GALNT7: variants seen among roughly 807,000 people sequenced by gnomAD.
The protein encoded by GALNT7 is N-acetylgalactosaminyltransferase 7.
GALNT7 carries 60 observed loss-of-function variants against 82.1 expected under a neutral mutation model. The observed-to-expected ratio is 0.73, with a 90% CI of 0.59 to 0.91. The LOEUF (loss-of-function observed/expected upper bound fraction) is 0.91. Ranked by LOEUF, GALNT7 falls within the 40% of genes least tolerant of loss-of-function variation. The pLI is 0.00. For synonymous variants in GALNT7, 243 were observed against 275.1 expected, an observed-to-expected ratio of 0.88 and a Z score of 1.15; for missense variants, 660 against 804.2, an observed-to-expected ratio of 0.82 and a Z score of 2.17.
At chr4:173,202,535 T>C (rs1732973408) in intron 1 of GALNT7, among the ~76,000 whole-genome samples, 1 of 152,226 alleles carries the variant, frequency 6.6e-6, no homozygotes, top group African/African-American at 2.4e-5. Flanking sequence ...CACTCTTTTC[T>C]GTCTCCTCAA....
chr4:173,278,780 T>C (rs1736004882), intron 2 of GALNT7, among the ~76,000 whole-genome samples: 1 of 152,246 alleles, frequency 6.6e-6, no homozygotes, highest in Non-Finnish European at 1.5e-5. Flanking sequence ...TGATCTCATA[T>C]ATTGTCCAGT....
chr4:173,257,263 A>G (rs545318180), intron 2 of GALNT7, among the ~76,000 whole-genome samples: 2 of 152,326 alleles, frequency 1.3e-5, no homozygotes, highest in African/African-American at 4.8e-5. Context: ...CATTGGAGAG[A>G]GCTGTAAAGC....
At chr4:173,245,426 C>G (rs188824163) in intron 1 of GALNT7, among the ~76,000 whole-genome samples, 32 of 152,256 alleles carry the variant, frequency 2.1e-4, no homozygotes, top group Admixed American at 2.0e-3. Flanking sequence ...AATTTCTTCT[C>G]TATGGAACAT....
chr4:173,243,367 T>TATGAA (rs1473188874), intron 1 of GALNT7, among the ~76,000 whole-genome samples: 3 of 152,330 alleles, frequency 2.0e-5, no homozygotes, highest in Middle Eastern at 3.4e-3. Context: ...TCAGTCCATT[T>TATGAA]CCACCTTTAT....
intron 7 of GALNT7, among the ~76,000 whole-genome samples, chr4:173,303,460 G>A (rs1410541014): frequency 6.6e-6 from 1 of 152,072 alleles, no homozygotes; most frequent in Non-Finnish European, 1.5e-5. Flanking sequence ...ATTGAAGAGA[G>A]CCTTTAAAGC....
rs944559400 is a variant in GALNT7 at position 173,169,106 on chromosome 4, A to C, written c.126+145A>C. ...GGTGGTGCTGGCGCAGCGCGGGCCG[A>C]GGGGGTGCCGAGCCCCGCGCACTCC... On this transcript the variant is annotated intron_variant, in intron 1 of 11. Coordinates refer to ENST00000265000, the MANE Select transcript of GALNT7 (RefSeq NM_017423.3). The C allele has an allele frequency of 1.6e-4, 93 of 597,180 alleles. 1 individual carries two copies. In the African/African-American group the frequency reaches 1.6e-3, roughly 11 times the overall value. The allele number at this position is 597,180 out of a possible 1,614,324, so 37.0% of individuals were successfully genotyped here.
rs949719534 is a variant in GALNT7, at chr4:173,321,525, T to C, written c.1837-55T>C. On this transcript the variant is annotated intron_variant, in intron 11 of 11. Coordinates refer to ENST00000265000, the MANE Select transcript of GALNT7 (RefSeq NM_017423.3). ...ATGAAAGTCAAGTGATGATTTCTGA[T>C]GTCAGTGATATCAAGGGTCCAAATT... The C allele has an allele frequency of 7.0e-6, 9 of 1,288,090 alleles. No homozygotes were observed. In the African/African-American group the frequency reaches 1.2e-4, roughly 17 times the overall value. The allele number at this position is 1,288,090 out of a possible 1,614,324, so 79.8% of individuals were successfully genotyped here.
At chr4:173,211,522 A>G (rs780833291) in intron 1 of GALNT7, among the ~76,000 whole-genome samples, 7 of 152,226 alleles carry the variant, frequency 4.6e-5, no homozygotes, top group Non-Finnish European at 1.0e-4. Context: ...TTTCTAACAT[A>G]TAGGATAAGA....
At chr4:173,239,468 G>A (rs1176028902) in intron 1 of GALNT7, among the ~76,000 whole-genome samples, 1 of 152,090 alleles carries the variant, frequency 6.6e-6, no homozygotes, top group African/African-American at 2.4e-5. Context: ...CTTTGACTGG[G>A]GAGAAACATA....
At chr4:173,307,574 G>C (rs993421985) in intron 8 of GALNT7, among the ~76,000 whole-genome samples, 2 of 152,326 alleles carry the variant, frequency 1.3e-5, no homozygotes, top group Non-Finnish European at 2.9e-5. Flanking sequence ...TTAGAGCCAA[G>C]GAAAGGAGCA....
intron 7 of GALNT7, among the ~76,000 whole-genome samples, chr4:173,303,258 A>T (rs539869276): frequency 6.6e-6 from 1 of 152,212 alleles, no homozygotes; most frequent in South Asian, 2.1e-4. Flanking sequence ...AAGTAGGAAG[A>T]TGGGTATGAT....
intron 1 of GALNT7, among the ~76,000 whole-genome samples, chr4:173,217,957 A>G (rs1733522337): frequency 1.3e-5 from 2 of 152,262 alleles, no homozygotes; most frequent in Admixed American, 1.3e-4. Context: ...TTTATAAAAT[A>G]CAGTCATAAA....
chr4:173,236,741 A>G (rs902405317), intron 1 of GALNT7, among the ~76,000 whole-genome samples: 2 of 152,210 alleles, frequency 1.3e-5, no homozygotes, highest in African/African-American at 4.8e-5. Flanking sequence ...AGATCAGGTC[A>G]CTTAGGCCTG....
chr4:173,267,753 C>T (rs1735556229), intron 2 of GALNT7, among the ~76,000 whole-genome samples: 1 of 151,974 alleles, frequency 6.6e-6, no homozygotes, highest in African/African-American at 2.4e-5. Context: ...TTGGTTTCCT[C>T]TTCTAGCAAT....
Position 173,305,325 on chromosome 4 carries a change from G to A in GALNT7, c.1389+1207G>A, listed in dbSNP as rs575318435. ...TTTGTTTGAGTTCCTTCTATGTTAC[G>A]GATATTAGCCCTTACCAGATGTATG... On this transcript the variant is annotated intron_variant, in intron 8 of 11. Transcript: ENST00000265000. Among the ~76,000 whole-genome samples, 24 of 152,200 alleles carry A rather than the reference G, an allele frequency of 1.6e-4. No individual in the cohort carries two copies. In the South Asian group the frequency reaches 2.3e-3, roughly 14 times the overall value.
At chr4:173,284,126 C>G (rs1329450082) in intron 2 of GALNT7, among the ~76,000 whole-genome samples, 2 of 152,218 alleles carry the variant, frequency 1.3e-5, no homozygotes, top group African/African-American at 2.4e-5. Context: ...TCCATTAACT[C>G]TTGTTCTGCT....
intron 1 of GALNT7, among the ~76,000 whole-genome samples, chr4:173,177,142 G>A (rs572556052): frequency 1.3e-5 from 2 of 152,118 alleles, no homozygotes; most frequent in Non-Finnish European, 2.9e-5. Context: ...GTGAGAAAAC[G>A]GATTACTTGG....
chr4:173,180,724 T>C (rs1158992325), intron 1 of GALNT7, among the ~76,000 whole-genome samples: 1 of 152,236 alleles, frequency 6.6e-6, no homozygotes, highest in Non-Finnish European at 1.5e-5. Context: ...AAAATGTTTG[T>C]CTCATTGGAT....
intron 1 of GALNT7, among the ~76,000 whole-genome samples, chr4:173,189,154 C>T (rs1012281686): frequency 1.3e-5 from 2 of 152,142 alleles, no homozygotes; most frequent in Admixed American, 1.3e-4. Context: ...ATCTGAACAC[C>T]TCTCACTGAT....
Sources: gnomAD v4.1 joint callset for allele counts (sites outside exome capture counted in the v4.1 genomes callset) on GRCh38, gnomAD v4.1.1 for gene constraint, MANE v1.5 for transcripts, NCBI Gene and HGNC (gene_info 2026-07-23, HGNC 2026-07-21) for gene names.